TANC2: variants seen among roughly 807,000 people sequenced by gnomAD.
TANC2 encodes the protein tetratricopeptide repeat, ankyrin repeat and coiled-coil containing 2, also known as protein TANC2.
TANC2 carries 26 observed loss-of-function variants against 210.5 expected under a neutral mutation model. That is an observed-to-expected ratio of 0.12 (90% confidence interval 0.09 to 0.17). The LOEUF is 0.17. TANC2 is among the 10% of genes least tolerant of loss of function. The pLI is 1.00. For synonymous variants in TANC2, 931 were observed against 967.1 expected, an observed-to-expected ratio of 0.96 and a Z score of 0.69; for missense variants, 2,129 against 2,608.9, an observed-to-expected ratio of 0.82 and a Z score of 4.01.
intron 4 of TANC2, among the ~76,000 whole-genome samples, chr17:63,142,287 T>A (rs1316168537): frequency 6.6e-6 from 1 of 152,214 alleles, no homozygotes; most frequent in African/African-American, 2.4e-5. Context: ...TTGTTATAAA[T>A]CTATTCAGAT....
chr17:63,136,022 C>T (rs2039078839), intron 4 of TANC2, among the ~76,000 whole-genome samples: 1 of 152,118 alleles, frequency 6.6e-6, no homozygotes, highest in African/African-American at 2.4e-5. Context: ...TTATCTCATA[C>T]ACTGAGTTTT....
intron 6 of TANC2, among the ~76,000 whole-genome samples, chr17:63,196,023 A>C (rs2041334660): frequency 6.6e-6 from 1 of 152,148 alleles, no homozygotes. Context: ...TGTTCTGCCT[A>C]AATGTTACCT....
chr17:63,183,402 G>A (rs10491185), intron 5 of TANC2, among the ~76,000 whole-genome samples: 21,525 of 152,080 alleles, frequency 0.14, 1,969 homozygotes, highest in Middle Eastern at 0.21. Context: ...TAATGCATTC[G>A]TCGTAATACA....
intron 9 of TANC2, among the ~76,000 whole-genome samples, chr17:63,282,088 A>G (rs1489393819): frequency 6.6e-6 from 1 of 152,102 alleles, no homozygotes; most frequent in Non-Finnish European, 1.5e-5. Flanking sequence ...ATGTAGTAAA[A>G]AGGAAGGAAA....
intron 8 of TANC2, among the ~76,000 whole-genome samples, chr17:63,252,422 G>A (rs2043077301): frequency 6.6e-6 from 1 of 151,422 alleles, no homozygotes; most frequent in Non-Finnish European, 1.5e-5. Context: ...TGTACATTTT[G>A]TTGTACAAAA....
intron 9 of TANC2, among the ~76,000 whole-genome samples, chr17:63,271,351 C>T (rs766691125): frequency 6.6e-5 from 10 of 151,970 alleles, no homozygotes; most frequent in Admixed American, 1.3e-4. Context: ...ATTTTATTAA[C>T]AGCCTTTCAG....
chr17:63,230,066 G>A (rs1368411030), intron 7 of TANC2, among the ~76,000 whole-genome samples: 1 of 152,114 alleles, frequency 6.6e-6, no homozygotes, highest in African/African-American at 2.4e-5. Flanking sequence ...AAAGTGATGG[G>A]ATTACTGGTG....
At chr17:63,118,728 C>T (rs1185170348) in intron 4 of TANC2, among the ~76,000 whole-genome samples, 1 of 151,988 alleles carries the variant, frequency 6.6e-6, no homozygotes, top group Non-Finnish European at 1.5e-5. Context: ...TCCTCCCTCA[C>T]CCTATTGAGT....
intron 7 of TANC2, among the ~76,000 whole-genome samples, chr17:63,234,345 G>C (rs1358970013): frequency 6.6e-6 from 1 of 152,082 alleles, no homozygotes; most frequent in Non-Finnish European, 1.5e-5. Flanking sequence ...AAAGTAGGCA[G>C]TTTCTTGGCT....
At chr17:63,238,790 T>C (rs975372624) in intron 8 of TANC2, among the ~76,000 whole-genome samples, 7 of 152,166 alleles carry the variant, frequency 4.6e-5, no homozygotes, top group African/African-American at 1.7e-4. Flanking sequence ...CTTATAATCA[T>C]GGCAGAAGGC....
chr17:63,406,300 T>G, intron 21 of TANC2, 23 bp downstream of exon 21: 1 of 1,609,546 alleles, frequency 6.2e-7, no homozygotes, highest in African/African-American at 1.3e-5. Context: ...ATGCTAGAGC[T>G]GGCTGGCCAG....
At chr17:63,246,598 A>C (rs917944623) in intron 8 of TANC2, among the ~76,000 whole-genome samples, 1 of 152,008 alleles carries the variant, frequency 6.6e-6, no homozygotes, top group African/African-American at 2.4e-5. Flanking sequence ...GGCTTCTTTC[A>C]CTCAGCATAA....
chr17:63,264,637 A>G (rs1293173644), intron 8 of TANC2, among the ~76,000 whole-genome samples: 1 of 152,094 alleles, frequency 6.6e-6, no homozygotes, highest in Non-Finnish European at 1.5e-5. Context: ...AGATTTCTCA[A>G]CTTTTTGTGT....
At chr17:63,191,629 A>C (rs2041188745) in intron 5 of TANC2, among the ~76,000 whole-genome samples, 5 of 151,388 alleles carry the variant, frequency 3.3e-5, no homozygotes, top group Admixed American at 2.0e-4. Flanking sequence ...CACCCAGCCA[A>C]TTTTTGTATT....
chr17:63,326,885 CAT>C (rs2045666336), intron 11 of TANC2, among the ~76,000 whole-genome samples: 2 of 152,014 alleles, frequency 1.3e-5, no homozygotes, highest in African/African-American at 4.8e-5. Context: ...AATGGAATGA[CAT>C]GTAAACTAAA....
intron 17 of TANC2, among the ~76,000 whole-genome samples, chr17:63,394,453 C>A (rs183336780): frequency 6.6e-6 from 1 of 152,316 alleles, no homozygotes; most frequent in East Asian, 1.9e-4. Flanking sequence ...TCCAAGGAGC[C>A]ATGGTTTCTT....
intron 1 of TANC2, among the ~76,000 whole-genome samples, chr17:62,971,559 G>A (rs1286426253): frequency 6.6e-6 from 1 of 152,144 alleles, no homozygotes; most frequent in African/African-American, 2.4e-5. Flanking sequence ...CAAACTCCTG[G>A]ACTCAAGTGA....
At chr17:63,050,310 T>G (rs1224512062) in intron 2 of TANC2, among the ~76,000 whole-genome samples, 1 of 149,684 alleles carries the variant, frequency 6.7e-6, no homozygotes, top group Non-Finnish European at 1.5e-5. Flanking sequence ...TGAGCCGTGA[T>G]CATGCCCCAG....
intron 8 of TANC2, among the ~76,000 whole-genome samples, chr17:63,257,495 T>C (rs1442077527): frequency 1.3e-5 from 2 of 152,040 alleles, no homozygotes; most frequent in African/African-American, 4.8e-5. Context: ...GTAACTGAGA[T>C]AACAGGTGCA....
Sources: gnomAD v4.1 joint callset for allele counts (sites outside exome capture counted in the v4.1 genomes callset) on GRCh38, gnomAD v4.1.1 for gene constraint, MANE v1.5 for transcripts, NCBI Gene and HGNC (gene_info 2026-07-23, HGNC 2026-07-21) for gene names.